Variants in SCN11A observed in about 807,000 individuals in gnomAD.
SCN11A encodes sodium voltage-gated channel alpha subunit 11, also known as sodium channel protein type 11 subunit alpha.
SCN11A carries 122 observed loss-of-function variants against 162.2 expected under a neutral mutation model. That is an observed-to-expected ratio of 0.75 (90% CI 0.65 to 0.87). SCN11A has a LOEUF of 0.87. SCN11A is among the 40% of genes least tolerant of loss of function. SCN11A has a pLI of 0.00. For missense variants in SCN11A, 2,015 were observed against 2,181.6 expected (o/e 0.92, Z 1.52); for synonymous variants, 758 against 751.5 (o/e 1.01, Z -0.14).
At chr3:38,869,427 A>G (rs2065090471) in intron 26 of SCN11A, among the ~76,000 whole-genome samples, 1 of 152,164 alleles carries the variant, frequency 6.6e-6, no homozygotes, top group Non-Finnish European at 1.5e-5. Flanking sequence ...TTATAAAATT[A>G]CATTGTATAT....
intron 1 of SCN11A, among the ~76,000 whole-genome samples, chr3:39,037,476 G>A (rs2031937243): frequency 6.6e-6 from 1 of 152,090 alleles, no homozygotes; most frequent in Non-Finnish European, 1.5e-5. Flanking sequence ...AACTAAGGGA[G>A]TACAATTGGA....
intron 11 of SCN11A, among the ~76,000 whole-genome samples, chr3:38,918,800 C>A (rs1039491222): frequency 5.3e-5 from 8 of 152,176 alleles, no homozygotes; most frequent in Non-Finnish European, 1.5e-5. Context: ...AGGTCACAAC[C>A]CCATCATACC....
chr3:38,997,580 C>T (rs1053802919), intron 2 of SCN11A, among the ~76,000 whole-genome samples: 5 of 152,222 alleles, frequency 3.3e-5, no homozygotes, highest in African/African-American at 1.2e-4. Context: ...CCTCTGCCCC[C>T]ACTAGAATGT....
chr3:39,026,990 C>G (rs2031605058), intron 2 of SCN11A, among the ~76,000 whole-genome samples: 1 of 152,072 alleles, frequency 6.6e-6, no homozygotes, highest in African/African-American at 2.4e-5. Context: ...CCTAAAGCCC[C>G]CAGGGGTAGG....
intron 21 of SCN11A, among the ~76,000 whole-genome samples, chr3:38,884,980 A>G (rs1460412482): frequency 6.6e-6 from 1 of 152,226 alleles, no homozygotes; most frequent in Admixed American, 6.5e-5. Flanking sequence ...ACACCCTGAC[A>G]TTGAATGCCC....
At chr3:38,878,625 C>A (rs1297488673) in intron 23 of SCN11A, among the ~76,000 whole-genome samples, 1 of 152,092 alleles carries the variant, frequency 6.6e-6, no homozygotes, top group East Asian at 1.9e-4. Flanking sequence ...TTATTCCCAT[C>A]TTTGAATCCT....
chr3:38,998,103 C>T (rs980306693), intron 2 of SCN11A, among the ~76,000 whole-genome samples: 8 of 152,164 alleles, frequency 5.3e-5, no homozygotes, highest in Non-Finnish European at 1.0e-4. Flanking sequence ...GCTTTTTAAA[C>T]ATGGAACTTC....
At chr3:38,877,709 A>G (rs1428019550) in intron 23 of SCN11A, among the ~76,000 whole-genome samples, 1 of 86,378 alleles carries the variant, frequency 1.2e-5, no homozygotes, top group Non-Finnish European at 2.1e-5. Context: ...TGGTATATAT[A>G]TGGTGTATAT....
chr3:38,982,511 A>AAT (rs1301681358), intron 2 of SCN11A, among the ~76,000 whole-genome samples: 1 of 152,154 alleles, frequency 6.6e-6, no homozygotes, highest in Non-Finnish European at 1.5e-5. Flanking sequence ...CTGCCGAGCT[A>AAT]ATAAGGCAGG....
chr3:38,871,305 G>A, intron 25 of SCN11A, 140 bp downstream of exon 25: 1 of 807,360 alleles, frequency 1.2e-6, no homozygotes, highest in South Asian at 1.9e-5. Context: ...AATTCCAGAA[G>A]GCATTGGCTT....
At chr3:38,902,678 C>T (rs886744165) in intron 16 of SCN11A, among the ~76,000 whole-genome samples, 4 of 152,062 alleles carry the variant, frequency 2.6e-5, no homozygotes, top group African/African-American at 7.2e-5. Context: ...CCACCATGCC[C>T]GGCTAAATTT....
intron 2 of SCN11A, among the ~76,000 whole-genome samples, chr3:39,021,199 A>T (rs932884918): frequency 2.0e-5 from 3 of 152,108 alleles, no homozygotes; most frequent in African/African-American, 7.2e-5. Flanking sequence ...AAGGCAAATT[A>T]AATATTTGCT....
At chr3:38,966,505 T>C (rs2066783445) in intron 2 of SCN11A, among the ~76,000 whole-genome samples, 1 of 152,178 alleles carries the variant, frequency 6.6e-6, no homozygotes. Flanking sequence ...ATTTATGGGG[T>C]ATATTTGATT....
intron 5 of SCN11A, among the ~76,000 whole-genome samples, chr3:38,948,669 G>A (rs763786605): frequency 6.6e-5 from 10 of 152,202 alleles, no homozygotes; most frequent in Non-Finnish European, 1.0e-4. Context: ...GTGAGATCAT[G>A]GGTGTGCAGA....
chr3:38,847,641 C>T lies in SCN11A; in HGVS notation c.4429G>A (p.Val1477Ile). 1 of 1,614,082 alleles carries T rather than the reference C, an allele frequency of 6.2e-7. No individual in the cohort carries two copies. The highest frequency in any genetic ancestry group is 8.5e-7 in the Non-Finnish European group (1 of 1,179,978). ...LARIGRILRL[V>I]RAARGIRTLL... ...GTCCTGATTCCTCGTGCAGCCCGGA[C>T]AAGCCTCAGGATTCGGCCAATCCGA... The change falls in exon 30 of 30, where the codon GTC (valine) becomes ATC (isoleucine). Residue 1477 changes from valine to isoleucine, a missense_variant. Coordinates refer to ENST00000302328, the MANE Select transcript of SCN11A (RefSeq NM_001349253.2).
intron 2 of SCN11A, among the ~76,000 whole-genome samples, chr3:39,011,430 AG>A (rs1202432289): frequency 6.6e-6 from 1 of 152,220 alleles, no homozygotes; most frequent in Admixed American, 6.5e-5. Context: ...CAGGGCCCTC[AG>A]GAAGAAATTT....
At chr3:38,868,118 A>G (rs2065070911) in intron 26 of SCN11A, among the ~76,000 whole-genome samples, 1 of 152,198 alleles carries the variant, frequency 6.6e-6, no homozygotes, top group Admixed American at 6.5e-5. Context: ...CTTTCATCCA[A>G]GTCCTTTGCA....
At chr3:38,922,688 G>A (rs965229705) in intron 9 of SCN11A, among the ~76,000 whole-genome samples, 2 of 152,152 alleles carry the variant, frequency 1.3e-5, no homozygotes, top group Non-Finnish European at 2.9e-5. Flanking sequence ...AGGAGGAGGA[G>A]GAGGAGGAGG....
chr3:38,859,091 A>C (rs766466493), intron 28 of SCN11A, among the ~76,000 whole-genome samples: 2 of 152,132 alleles, frequency 1.3e-5, no homozygotes, highest in Non-Finnish European at 2.9e-5. Context: ...CTCACAGACA[A>C]TCTAAGGTCA....
Sources: allele counts gnomAD v4.1 joint callset (sites outside exome capture counted in the v4.1 genomes callset), GRCh38; gene constraint gnomAD v4.1.1; transcripts MANE v1.5; gene names NCBI Gene and HGNC (gene_info 2026-07-23, HGNC 2026-07-21).